RIC3: variants seen among roughly 807,000 people sequenced by gnomAD.
The protein encoded by RIC3 is protein RIC-3.
Under a neutral mutation model 27.3 loss-of-function variants are expected in RIC3, and 28 were observed. That is an observed-to-expected ratio of 1.02 (90% CI 0.76 to 1.41). RIC3 has a LOEUF of 1.41. RIC3 is among the 40% of genes most tolerant of loss of function. RIC3 has a pLI of 0.00. For synonymous variants in RIC3, 184 were observed against 160.4 expected (o/e 1.15, Z -1.11); for missense variants, 501 against 444.7 (o/e 1.13, Z -1.14).
chr11:8,107,607 C>G lies in RIC3; in HGVS notation c.*3091G>C, dbSNP rs1944806627. 1 of 152,264 alleles carries G rather than the reference C, an allele frequency of 6.6e-6. No individual in the cohort carries two copies. Among genetic ancestry groups the G allele is most frequent in the South Asian group, 2.1e-4 (1 of 4,814 alleles). 9.4% of individuals were successfully genotyped at this position (152,264 alleles called of 1,614,324 possible). A position where few individuals can be genotyped will look rare whatever the true frequency, so the allele number is the denominator to read the frequency against. On this transcript the variant is annotated 3_prime_UTR_variant, in exon 6 of 6. Coordinates refer to ENST00000309737, the MANE Select transcript of RIC3 (RefSeq NM_001206671.4). ...GCCATATAAGGTGCATTGTATGGTT[C>G]TCAAAGGCCGTTGATTCTACAGGCC... is the stretch of plus-strand genomic sequence containing the variant.
intron 4 of RIC3, among the ~76,000 whole-genome samples, chr11:8,133,248 C>A (rs1947952723): frequency 2.0e-5 from 3 of 152,164 alleles, no homozygotes; most frequent in Admixed American, 1.3e-4. Context: ...GCCTGTAAAC[C>A]TTGGACTTCA....
At chr11:8,146,529 T>C (rs185137955) in intron 1 of RIC3, among the ~76,000 whole-genome samples, 1 of 151,850 alleles carries the variant, frequency 6.6e-6, no homozygotes. Context: ...CGATGAAGAG[T>C]CAAACTAAAA....
intron 1 of RIC3, chr11:8,153,293 G>C (rs1950396511): frequency 8.4e-6 from 3 of 358,278 alleles, no homozygotes; most frequent in African/African-American, 2.2e-5. Context: ...TCTGAGATTA[G>C]AATGACAAAT....
downstream of RIC3, chr11:8,101,856 G>GATTCGGCGT: frequency 2.5e-5 from 12 of 482,840 alleles, no homozygotes; most frequent in South Asian, 1.5e-4. Flanking sequence ...TTCTTTCCAT[G>GATTCGGCGT]CCACGAGATC....
At chr11:8,155,491 G>C (rs985329041) in intron 1 of RIC3, among the ~76,000 whole-genome samples, 5 of 152,016 alleles carry the variant, frequency 3.3e-5, no homozygotes, top group South Asian at 4.2e-4. Context: ...CAGGAGAATC[G>C]CTTGAACCCG....
the RIC3 span, chr11:8,100,530 C>T: frequency 5.6e-6 from 9 of 1,613,974 alleles, no homozygotes; most frequent in Non-Finnish European, 7.6e-6. Context: ...CTTCAAGGGG[C>T]CTCGGAAGAT....
rs1250783934 is a variant in RIC3 at position 8,106,176 on chromosome 11, G to A, written c.*4522C>T. On this transcript the variant is annotated 3_prime_UTR_variant, in exon 6 of 6. Coordinates refer to ENST00000309737, the MANE Select transcript of RIC3 (RefSeq NM_001206671.4). ...ATTTTCCCATGTTGACATTATGTAT[G>A]TTGTAGAATTTAGTGTTTGTCTAAG... is the stretch of plus-strand genomic sequence containing the variant. 6.6e-6 allele frequency: 1 copy of A among 151,846 alleles called. No homozygotes were observed. Among genetic ancestry groups the A allele is most frequent in the African/African-American group, 2.4e-5 (1 of 41,406 alleles). 9.4% of individuals were successfully genotyped at this position (151,846 alleles called of 1,614,324 possible).
chr11:8,146,967 G>A (rs1185800751), intron 1 of RIC3, among the ~76,000 whole-genome samples: 6 of 152,078 alleles, frequency 3.9e-5, no homozygotes, highest in Admixed American at 1.3e-4. Flanking sequence ...AAATATCATG[G>A]GCCCCTTCAA....
intron 2 of RIC3, chr11:8,138,944 C>G (rs563766280): frequency 1.3e-5 from 2 of 159,832 alleles, no homozygotes; most frequent in Non-Finnish European, 2.7e-5. Context: ...AAACCGGACA[C>G]AGCAGTAAGG....
intron 1 of RIC3, among the ~76,000 whole-genome samples, chr11:8,159,282 A>G (rs991301326): frequency 1.3e-5 from 2 of 152,202 alleles, no homozygotes; most frequent in African/African-American, 4.8e-5. Context: ...TGAAGTGGGA[A>G]CATGCTTGGC....
At chr11:8,167,881 GT>G (rs1459691709) in intron 1 of RIC3, among the ~76,000 whole-genome samples, 2 of 152,176 alleles carry the variant, frequency 1.3e-5, no homozygotes, top group Non-Finnish European at 2.9e-5. Context: ...AGAATTATGT[GT>G]TCAACCTGCC....
At chr11:8,128,454 C>T in intron 4 of RIC3, 2 of 353,636 alleles carry the variant, frequency 5.7e-6, no homozygotes, top group Non-Finnish European at 1.1e-5. Context: ...AACAAGTATA[C>T]TTTTATTGTC....
chr11:8,146,494 G>C (rs966851597), intron 1 of RIC3, among the ~76,000 whole-genome samples: 11 of 152,136 alleles, frequency 7.2e-5, no homozygotes, highest in Non-Finnish European at 1.3e-4. Context: ...AAAATGCTAT[G>C]AACTGAGAAC....
intron 1 of RIC3, among the ~76,000 whole-genome samples, chr11:8,152,631 T>C (rs1205473202): frequency 6.6e-6 from 1 of 152,162 alleles, no homozygotes; most frequent in Non-Finnish European, 1.5e-5. Flanking sequence ...GGGAGGTGTG[T>C]GATTTAAAAA....
chr11:8,096,687 A>G, the RIC3 span: 5 of 1,600,048 alleles, frequency 3.1e-6, no homozygotes, highest in African/African-American at 6.7e-5. Flanking sequence ...TGGCCCAGGC[A>G]TCTCCAGCAG....
exon 1 of RIC3, chr11:8,169,023 GCCGGAACCGGAA>G (rs553326402): frequency 2.0e-6 from 3 of 1,518,254 alleles, no homozygotes; most frequent in Admixed American, 2.4e-5. Flanking sequence ...GCAGACGCCA[GCCGGAACCGGAA>G]CCGGAACCGG....
At chr11:8,097,389 C>G in the RIC3 span, 2 of 1,614,208 alleles carry the variant, frequency 1.2e-6, no homozygotes, top group Non-Finnish European at 1.7e-6. Context: ...TGTACCCCAC[C>G]TACTTTCTGC....
At chr11:8,102,898 G>A (rs1944365402), downstream of RIC3, 1 of 65,850 alleles carries the variant, frequency 1.5e-5, no homozygotes, top group Admixed American at 2.0e-4. Flanking sequence ...CAAGAAACTA[G>A]TATCTCTGGC....
the RIC3 span, chr11:8,100,545 G>GT: frequency 6.2e-7 from 1 of 1,614,134 alleles, no homozygotes; most frequent in Non-Finnish European, 8.5e-7. Context: ...GAAGATGAGC[G>GT]TGATTGTCCC....
Sources: allele counts gnomAD v4.1 joint callset (sites outside exome capture counted in the v4.1 genomes callset), GRCh38; gene constraint gnomAD v4.1.1; transcripts MANE v1.5; gene names NCBI Gene and HGNC (gene_info 2026-07-23, HGNC 2026-07-21).